The following IKZF1 variants were observed in gnomAD, a reference collection of about 807,000 sequenced individuals.
The protein encoded by IKZF1 is IKAROS family zinc finger 1, also known as DNA-binding protein Ikaros.
Under a neutral mutation model 51.7 loss-of-function variants are expected in IKZF1, and 10 were observed. The ratio of observed to expected loss-of-function variants is 0.19; its 90% CI spans 0.12 to 0.33. The LOEUF is 0.33. Among genes scored for constraint, IKZF1 ranks in the 10% least tolerant of loss-of-function variants. The pLI is 1.00. For missense variants in IKZF1, 484 were observed against 707.5 expected (o/e 0.68, Z 3.58); for synonymous variants, 280 against 282.3 (o/e 0.99, Z 0.08).
At chr7:50,340,478 T>C (rs889239019) in intron 3 of IKZF1, among the ~76,000 whole-genome samples, 1 of 152,242 alleles carries the variant, frequency 6.6e-6, no homozygotes, top group East Asian at 1.9e-4. Context: ...CCCTGCTGCA[T>C]GGCAGAGCCC....
chr7:50,320,251 C>G (rs1222742618), intron 2 of IKZF1, among the ~76,000 whole-genome samples: 1 of 151,990 alleles, frequency 6.6e-6, no homozygotes, highest in African/African-American at 2.4e-5. Context: ...ATATAATTCT[C>G]TTTTTGTATA....
chr7:50,315,823 G>A (rs997106003), intron 1 of IKZF1, among the ~76,000 whole-genome samples: 2 of 152,176 alleles, frequency 1.3e-5, no homozygotes, highest in African/African-American at 4.8e-5. Flanking sequence ...GCCATATCAA[G>A]CTTAAATTCC....
At chr7:50,342,306 G>GT (rs1799237997) in intron 3 of IKZF1, among the ~76,000 whole-genome samples, 2 of 152,188 alleles carry the variant, frequency 1.3e-5, no homozygotes, top group Admixed American at 6.5e-5. Flanking sequence ...AAACAAATCA[G>GT]TTTTTCAAAG....
At position 50,404,007 on chromosome 7, in the gene IKZF1, A is replaced by AT. The variant is rs753836224; in HGVS notation, c.*3385dup. 91 of 215,560 alleles carry AT rather than the reference A, an allele frequency of 4.2e-4. No individual in the cohort carries two copies. The highest frequency in any genetic ancestry group is 2.9e-3 in the Middle Eastern group (2 of 694). 13.4% of individuals were successfully genotyped at this position (215,560 alleles called of 1,614,324 possible). ...AGATCTCTCTCATTCATTTCAATGTATTTTTACTTTAAGATGAACCAAAAT... is the reference window on the plus strand; with the variant it reads ...AGATCTCTCTCATTCATTTCAATGTATTTTTTACTTTAAGATGAACCAAAAT... On this transcript the variant is annotated 3_prime_UTR_variant, in exon 8 of 8. Coordinates refer to ENST00000331340, the MANE Select transcript of IKZF1 (RefSeq NM_006060.6).
intron 3 of IKZF1, among the ~76,000 whole-genome samples, chr7:50,335,484 GTA>G (rs1157670454): frequency 7.0e-6 from 1 of 142,370 alleles, no homozygotes; most frequent in Non-Finnish European, 1.5e-5. Context: ...TGTGTAGTGT[GTA>G]TGTGTGGTGT....
chr7:50,338,586 T>C (rs1798334057), intron 3 of IKZF1, among the ~76,000 whole-genome samples: 1 of 152,218 alleles, frequency 6.6e-6, no homozygotes, highest in African/African-American at 2.4e-5. Flanking sequence ...TTTTCTGATT[T>C]GGGAAGTGTA....
rs77959170 is a variant in IKZF1, at chr7:50,362,962, A to T, written c.161-13571A>T. On this transcript the variant is annotated intron_variant, in intron 3 of 7. Transcript: ENST00000331340. ...TTGGCTGGGCAAAGGCAGGGGCTTC[A>T]TGGCCATGCTGGGATGTGACGTGGT... Among the ~76,000 whole-genome samples the T allele has an allele frequency of 1.5e-3, 234 of 152,276 alleles. 5 individuals are homozygous for T. In the East Asian group the frequency reaches 0.038, roughly 25 times the overall value.
chr7:50,326,534 G>A (rs946374866), intron 2 of IKZF1, among the ~76,000 whole-genome samples: 5 of 152,228 alleles, frequency 3.3e-5, no homozygotes, highest in African/African-American at 1.2e-4. Context: ...GGAGAAAAGA[G>A]CATTTCCTAC....
intron 5 of IKZF1, among the ~76,000 whole-genome samples, chr7:50,385,225 G>GA (rs1813014606): frequency 6.6e-6 from 1 of 152,086 alleles, no homozygotes; most frequent in Non-Finnish European, 1.5e-5. Flanking sequence ...TGCTCTTGGG[G>GA]AAAAAAACAG....
chr7:50,369,783 T>C (rs898192433), intron 3 of IKZF1: 2 of 389,132 alleles, frequency 5.1e-6, no homozygotes, highest in African/African-American at 2.1e-5. Flanking sequence ...TTATTCTCTT[T>C]ATCTGTTTAC....
intron 1 of IKZF1, among the ~76,000 whole-genome samples, chr7:50,316,641 T>G (rs1396600364): frequency 2.0e-5 from 3 of 152,242 alleles, no homozygotes; most frequent in African/African-American, 7.2e-5. Flanking sequence ...AGAGCAGAGC[T>G]TGATTTGGGG....
intron 1 of IKZF1, among the ~76,000 whole-genome samples, chr7:50,309,336 G>A (rs1349171001): frequency 6.6e-6 from 1 of 152,196 alleles, no homozygotes. Context: ...AGAGAGCAAT[G>A]CAGTAAAAAG....
At chr7:50,329,859 C>T (rs1441944486) in intron 3 of IKZF1, among the ~76,000 whole-genome samples, 3 of 152,256 alleles carry the variant, frequency 2.0e-5, no homozygotes, top group Admixed American at 6.5e-5. Context: ...TCCCTGGAAT[C>T]CCTGCAGCTG....
chr7:50,392,805 G>A (rs1290101290), intron 7 of IKZF1, among the ~76,000 whole-genome samples: 1 of 152,156 alleles, frequency 6.6e-6, no homozygotes, highest in African/African-American at 2.4e-5. Flanking sequence ...TGGAGGAATG[G>A]GGGAATCTAG....
At chr7:50,357,539 C>T (rs1231247148) in intron 3 of IKZF1, among the ~76,000 whole-genome samples, 1 of 152,240 alleles carries the variant, frequency 6.6e-6, no homozygotes, top group Non-Finnish European at 1.5e-5. Context: ...GTACCCAGGG[C>T]TGCTGTGCAC....
intron 7 of IKZF1, 128 bp downstream of exon 7, chr7:50,391,991 C>T (rs191944932): frequency 3.6e-5 from 46 of 1,266,042 alleles, no homozygotes; most frequent in Middle Eastern, 2.3e-4. Flanking sequence ...AATTGGTAAG[C>T]TTAACATTCC....
At chr7:50,368,367 G>A in intron 3 of IKZF1, 1 of 685,948 alleles carries the variant, frequency 1.5e-6, no homozygotes, top group Non-Finnish European at 2.7e-6. Context: ...GATTACTCCT[G>A]TAATCCTTTT....
At chr7:50,366,696 A>C (rs1807057904) in intron 3 of IKZF1, among the ~76,000 whole-genome samples, 1 of 152,222 alleles carries the variant, frequency 6.6e-6, no homozygotes, top group Non-Finnish European at 1.5e-5. Context: ...TCCTATTTGC[A>C]AAAGGTAATA....
At chr7:50,395,330 C>T (rs1166744357) in intron 7 of IKZF1, among the ~76,000 whole-genome samples, 2 of 151,910 alleles carry the variant, frequency 1.3e-5, no homozygotes, top group Non-Finnish European at 2.9e-5. Context: ...GAAAAAAGAC[C>T]CAAACAAAAC....
Sources: allele counts gnomAD v4.1 joint callset (sites outside exome capture counted in the v4.1 genomes callset), GRCh38; gene constraint gnomAD v4.1.1; transcripts MANE v1.5; gene names NCBI Gene and HGNC (gene_info 2026-07-23, HGNC 2026-07-21).